Variants in TMEM63A observed in about 807,000 individuals in gnomAD.
The protein encoded by TMEM63A is mechanosensitive cation channel TMEM63A.
TMEM63A carries 76 observed loss-of-function variants against 100.6 expected under a neutral mutation model. That is an observed-to-expected ratio of 0.76 (90% CI 0.63 to 0.91). The LOEUF is 0.91. TMEM63A is among the 40% of genes least tolerant of loss of function. The pLI, the probability that TMEM63A is intolerant of heterozygous loss-of-function variation, is 0.00. For missense variants in TMEM63A, 876 were observed against 1,008.8 expected, an observed-to-expected ratio of 0.87 and a Z score of 1.78; for synonymous variants, 401 against 401.1, an observed-to-expected ratio of 1.00 and a Z score of 0.00.
chr1:225,848,504 G>A lies in TMEM63A; in HGVS notation c.2238C>T (p.Pro746=). 2 of 1,614,090 alleles carry A rather than the reference G, an allele frequency of 1.2e-6. No homozygotes were observed. The change falls in exon 23 of 25, where the codon CCC becomes CCT. Residue 746 remains proline, a synonymous_variant. Coordinates refer to ENST00000366835, the MANE Select transcript of TMEM63A (RefSeq NM_014698.3). The part of the protein sequence containing the change: ...DKGSEAEAHM[P]PPFTPYVPRI... ...GGGCACAGCTTACTGTGAACGGTGGGGGCATGTGGGCCTCTGCCTCACTTC... is the reference window on the plus strand; with the variant it reads ...GGGCACAGCTTACTGTGAACGGTGGAGGCATGTGGGCCTCTGCCTCACTTC...
intron 21 of TMEM63A, 54 bp downstream of exon 21, chr1:225,849,858 G>GGGATGCA (rs1669232705): frequency 2.5e-6 from 4 of 1,588,588 alleles, no homozygotes; most frequent in African/African-American, 2.7e-5. Context: ...CTGGCTGGTG[G>GGGATGCA]GGATGCAGGG....
chr1:225,842,534 C>A, downstream of TMEM63A: 1 of 1,153,334 alleles, frequency 8.7e-7, no homozygotes, highest in Non-Finnish European at 1.3e-6. Context: ...ACCTCCTCAC[C>A]CTCTTCATCC....
rs1304686508 is a variant in TMEM63A at position 225,846,166 on chromosome 1, CGAG to C, written c.*770_*772del. 1 of 153,016 alleles carries C rather than the reference CGAG, an allele frequency of 6.5e-6. No homozygotes were observed. Among genetic ancestry groups the C allele is most frequent in the Non-Finnish European group, 1.5e-5 (1 of 68,708 alleles). 9.5% of individuals were successfully genotyped at this position (153,016 alleles called of 1,614,324 possible). On this transcript the variant is annotated 3_prime_UTR_variant, in exon 25 of 25. Coordinates refer to ENST00000366835, the MANE Select transcript of TMEM63A (RefSeq NM_014698.3). ...TGCCGACCATGCTGTCCTTTGGCTC[CGAG>C]GAGGCCCTGAGCACTGCCCACCCCC...
intron 23 of TMEM63A, 30 bp downstream of exon 23, chr1:225,848,462 C>T (rs770021723): frequency 3.1e-6 from 5 of 1,611,298 alleles, no homozygotes; most frequent in Non-Finnish European, 4.2e-6. Context: ...AAAAGGGCGA[C>T]AAGCTCAGAG....
chr1:225,872,136 T>G, intron 4 of TMEM63A, 83 bp from the exon 5 acceptor site: 1 of 1,033,766 alleles, frequency 9.7e-7, no homozygotes, highest in Admixed American at 2.3e-5. Flanking sequence ...TCACATCCAG[T>G]ATTTTGCTGC....
At chr1:225,850,438 G>C (rs1203812399) in intron 20 of TMEM63A, among the ~76,000 whole-genome samples, 2 of 152,190 alleles carry the variant, frequency 1.3e-5, no homozygotes, top group African/African-American at 4.8e-5. Flanking sequence ...TAAAAGCTTA[G>C]GGTGCAGATA....
intron 15 of TMEM63A, among the ~76,000 whole-genome samples, chr1:225,858,117 G>C (rs532477126): frequency 2.4e-4 from 36 of 152,122 alleles, no homozygotes; most frequent in South Asian, 2.1e-4. Context: ...CACCTGCCCC[G>C]TGTGCTTTCC....
chr1:225,869,810 C>A (rs1670411932), intron 6 of TMEM63A, among the ~76,000 whole-genome samples: 3 of 151,478 alleles, frequency 2.0e-5, no homozygotes, highest in African/African-American at 7.3e-5. Context: ...TTACAGGCAC[C>A]CGCCACCAAG....
chr1:225,842,514 C>T, downstream of TMEM63A: 1 of 1,421,994 alleles, frequency 7.0e-7, no homozygotes, highest in Non-Finnish European at 1.0e-6. Flanking sequence ...GACCCTGGTC[C>T]CAGCAGCCAA....
intron 6 of TMEM63A, among the ~76,000 whole-genome samples, chr1:225,870,306 C>T (rs1321366504): frequency 1.3e-5 from 2 of 151,074 alleles, no homozygotes; most frequent in East Asian, 2.0e-4. Context: ...GAGCCGAGAT[C>T]GTGCCATTGC....
intron 13 of TMEM63A, chr1:225,861,937 G>A: frequency 3.9e-6 from 2 of 506,996 alleles, no homozygotes; most frequent in East Asian, 7.1e-5. Context: ...CAGGGCAGCA[G>A]GGAAGAGCCC....
At chr1:225,877,289 A>T in intron 3 of TMEM63A, 106 bp downstream of exon 3, 1 of 1,319,950 alleles carries the variant, frequency 7.6e-7, no homozygotes, top group Non-Finnish European at 1.0e-6. Context: ...GTTGAGATTT[A>T]AACCCAGCTA....
intron 15 of TMEM63A, among the ~76,000 whole-genome samples, chr1:225,858,127 C>T (rs1669731316): frequency 6.6e-6 from 1 of 151,930 alleles, no homozygotes; most frequent in South Asian, 2.1e-4. Context: ...GTGTGCTTTC[C>T]CAGGGAATGA....
chr1:225,867,248 T>A lies in TMEM63A; in HGVS notation c.515-85A>T. 3 of 1,380,558 alleles carry A rather than the reference T, an allele frequency of 2.2e-6. No homozygotes were observed. The highest frequency in any genetic ancestry group is 3.1e-6 in the Non-Finnish European group (3 of 968,184). The allele number at this position is 1,380,558 out of a possible 1,614,324, so 85.5% of individuals were successfully genotyped here. ...ACCAATCAGCCTTGGTTTGTGGAGCTCTGGGGAGGAGGAGCATGTCTGGAC... is the reference window on the plus strand; with the variant it reads ...ACCAATCAGCCTTGGTTTGTGGAGCACTGGGGAGGAGGAGCATGTCTGGAC... On this transcript the variant is annotated intron_variant, in intron 7 of 24. Transcript: ENST00000366835. This position sits in a 1 kb window ranked among gnomAD's most constrained non-coding sequence, Gnocchi z 4.6.
In TMEM63A at chr1:225,853,836, G is replaced by C; in HGVS notation, c.1635-45C>G. On this transcript the variant is annotated intron_variant, in intron 18 of 24. Coordinates refer to ENST00000366835, the MANE Select transcript of TMEM63A (RefSeq NM_014698.3). This position sits in a 1 kb window ranked among gnomAD's most constrained non-coding sequence, Gnocchi z 4.0. ...GGTCTGTGAGCTGAGAGCCGCTCTT[G>C]GAGGGAGAGGAGGGGCCCCTAGGCT... 2.0e-6 allele frequency: 3 copies of C among 1,512,932 alleles called. No individual in the cohort carries two copies. Among genetic ancestry groups the C allele is most frequent in the Non-Finnish European group, 2.7e-6 (3 of 1,130,234 alleles). 93.7% of individuals were successfully genotyped at this position (1,512,932 alleles called of 1,614,324 possible). A position where few individuals can be genotyped will look rare whatever the true frequency, so the allele number is the denominator to read the frequency against.
chr1:225,881,613 G>A (rs957829350), intron 1 of TMEM63A, among the ~76,000 whole-genome samples: 1 of 152,198 alleles, frequency 6.6e-6, no homozygotes, highest in Non-Finnish European at 1.5e-5. Flanking sequence ...GATGACCTGA[G>A]AGGTGTCAAG....
At position 225,877,445 on chromosome 1, in the gene TMEM63A, T is replaced by C. The variant is rs1409348489; in HGVS notation, c.136A>G (p.Thr46Ala). Reference protein sequence around the residue: ...AKNSTVLQGVTFGGIPTVLLI... With the variant: ...AKNSTVLQGVAFGGIPTVLLI... ...AGGACAGTGGGGATGCCACCAAAGG[T>C]GACCCCCTGGAGCACGGTGCTGTTT... Residue 46 changes from threonine (T) to alanine (A), a missense_variant, in exon 3 of 25, where the codon ACC becomes GCC. Thr to Ala is a moderately conservative substitution (Grantham distance 58, BLOSUM62 0). Coordinates refer to ENST00000366835, the MANE Select transcript of TMEM63A (RefSeq NM_014698.3). The C allele has an allele frequency of 6.2e-7, 1 of 1,614,152 alleles. No homozygotes were observed. The highest frequency in any genetic ancestry group is 8.5e-7 in the Non-Finnish European group (1 of 1,180,024).
intron 15 of TMEM63A, 37 bp downstream of exon 15, chr1:225,859,159 G>C (rs374940341): frequency 3.1e-6 from 5 of 1,613,558 alleles, no homozygotes; most frequent in Non-Finnish European, 4.2e-6. Flanking sequence ...CTTCTCACCA[G>C]CTATCCTGGG....
At chr1:225,852,855 G>T in intron 19 of TMEM63A, 86 bp from the exon 20 acceptor site, 1 of 1,197,504 alleles carries the variant, frequency 8.4e-7, no homozygotes, top group East Asian at 2.4e-5. Flanking sequence ...TGGGAGAGCA[G>T]GGTGGAGGAG....
Sources: gnomAD v4.1 joint callset for allele counts (sites outside exome capture counted in the v4.1 genomes callset) on GRCh38, gnomAD v4.1.1 for gene constraint, Gnocchi (gnomAD v3.1) non-coding constraint, MANE v1.5 for transcripts, NCBI Gene and HGNC (gene_info 2026-07-23, HGNC 2026-07-21) for gene names.